The following LRRC4C variants were observed in gnomAD, a reference collection of about 807,000 sequenced individuals.
LRRC4C encodes leucine rich repeat containing 4C, also known as leucine-rich repeat-containing protein 4C.
Under a neutral mutation model 33.6 loss-of-function variants are expected in LRRC4C, and 5 were observed. The observed-to-expected ratio is 0.15, with a 90% confidence interval of 0.08 to 0.31. The LOEUF (loss-of-function observed/expected upper bound fraction) is 0.31, where lower values mean the gene tolerates loss of function less well. Ranked by LOEUF, LRRC4C falls within the 10% of genes least tolerant of loss-of-function variation. The probability of loss-of-function intolerance (pLI) is 1.00; values close to 1 mark genes in which losing one functional copy is unlikely to be tolerated. For synonymous variants in LRRC4C, 329 were observed against 302.0 expected (o/e 1.09, Z -0.93); for missense variants, 560 against 796.7 (o/e 0.70, Z 3.58).
At chr11:41,090,387 T>G (rs1940325136) in intron 1 of LRRC4C, among the ~76,000 whole-genome samples, 1 of 152,116 alleles carries the variant, frequency 6.6e-6, no homozygotes. Flanking sequence ...TATCTCTGTT[T>G]TCTCATTTCC....
chr11:40,604,800 T>A, intron 3 of LRRC4C, among the ~76,000 whole-genome samples: 1 of 149,492 alleles, frequency 6.7e-6, no homozygotes, highest in Non-Finnish European at 1.5e-5. Context: ...GGAAAATATA[T>A]AAAGAAGAAA....
intron 2 of LRRC4C, among the ~76,000 whole-genome samples, chr11:40,751,627 C>T (rs1023148758): frequency 1.3e-5 from 2 of 151,962 alleles, no homozygotes; most frequent in African/African-American, 4.8e-5. Context: ...AAAACACATC[C>T]CATGCTCATG....
At chr11:40,859,095 T>C (rs768038623) in intron 2 of LRRC4C, among the ~76,000 whole-genome samples, 21 of 152,184 alleles carry the variant, frequency 1.4e-4, no homozygotes, top group Non-Finnish European at 2.8e-4. Flanking sequence ...TGCAGTGATA[T>C]AGAACGTAGC....
Position 40,527,771 on chromosome 11 carries a change from A to T in LRRC4C, c.-270+120371T>A, listed in dbSNP as rs146998268. ...TTAGAAGATAATTTTTTTTTTTGGC[A>T]GAGTGTCACTCTTGTTACCCAGGCT... On this transcript the variant is annotated intron_variant, in intron 3 of 6. Transcript: ENST00000528697. Among the ~76,000 whole-genome samples, 1,309 of 148,992 alleles carry T rather than the reference A, an allele frequency of 8.8e-3. 54 individuals are homozygous for T. The highest frequency in any genetic ancestry group is 0.07 in the Admixed American group (1,055 of 15,110).
chr11:40,220,317 G>A (rs1050471461), intron 5 of LRRC4C, among the ~76,000 whole-genome samples: 24 of 152,230 alleles, frequency 1.6e-4, no homozygotes, highest in African/African-American at 5.5e-4. Flanking sequence ...TTTTAGAGTT[G>A]AGCACTTCAT....
chr11:40,693,878 CCG>C (rs1360549285), intron 2 of LRRC4C, among the ~76,000 whole-genome samples: 1 of 152,160 alleles, frequency 6.6e-6, no homozygotes, highest in African/African-American at 2.4e-5. Context: ...TTGCCAAAAG[CCG>C]CATTGTGTCC....
At chr11:40,214,276 A>G (rs868002537) in intron 5 of LRRC4C, among the ~76,000 whole-genome samples, 6 of 152,066 alleles carry the variant, frequency 3.9e-5, no homozygotes, top group South Asian at 2.1e-4. Context: ...CCCTTCCCCT[A>G]TGGTATATAA....
At chr11:40,318,468 T>C (rs1485630781) in intron 4 of LRRC4C, among the ~76,000 whole-genome samples, 1 of 152,118 alleles carries the variant, frequency 6.6e-6, no homozygotes, top group Non-Finnish European at 1.5e-5. Context: ...TGGAGACTAT[T>C]AAGTCAATCC....
chr11:40,943,761 T>C (rs1958261256), intron 1 of LRRC4C, among the ~76,000 whole-genome samples: 1 of 152,222 alleles, frequency 6.6e-6, no homozygotes, highest in South Asian at 2.1e-4. Flanking sequence ...TTCATTCTTA[T>C]GTGGAATACA....
chr11:40,119,120 A>G (rs1855642222), intron 6 of LRRC4C, among the ~76,000 whole-genome samples: 1 of 152,190 alleles, frequency 6.6e-6, no homozygotes, highest in South Asian at 2.1e-4. Context: ...TTGCATTTAC[A>G]TAGCCTACAG....
At chr11:41,145,670 T>G (rs1284205586) in intron 1 of LRRC4C, among the ~76,000 whole-genome samples, 1 of 152,158 alleles carries the variant, frequency 6.6e-6, no homozygotes, top group African/African-American at 2.4e-5. Context: ...ACGGCCTTCC[T>G]TTCTAGACTG....
chr11:40,114,653 A>C lies in LRRC4C; in HGVS notation c.1640T>G (p.Phe547Cys). 5 of 1,614,200 alleles carry C rather than the reference A, an allele frequency of 3.1e-6. No homozygotes were observed. Among genetic ancestry groups the C allele is most frequent in the Non-Finnish European group, 4.2e-6 (5 of 1,180,042 alleles). ...TLMAAVMLVIFYKMRKQHHRQ... is the reference protein window; with the variant it reads ...TLMAAVMLVICYKMRKQHHRQ... ...ATGGTGCTGCTTCCTCATCTTGTAG[A>C]AAATGACCAGCATCACTGCAGCCAT... The change falls in exon 7 of 7, where the codon TTC (phenylalanine) becomes TGC (cysteine). Residue 547 changes from phenylalanine (F) to cysteine (C), a missense_variant. By Grantham distance (205) the Phe-to-Cys change is radical. This residue lies in a region of LRRC4C where 103 missense variants were observed against 132.1 expected (regional missense o/e 0.78). Transcript: ENST00000528697.
chr11:40,495,892 C>T (rs1177396809), intron 3 of LRRC4C, among the ~76,000 whole-genome samples: 2 of 120,962 alleles, frequency 1.7e-5, no homozygotes, highest in Admixed American at 1.1e-4. Context: ...TGTAGTGATG[C>T]GATCTCAGCT....
chr11:40,574,560 T>C (rs1958108857), intron 3 of LRRC4C, among the ~76,000 whole-genome samples: 1 of 152,140 alleles, frequency 6.6e-6, no homozygotes, highest in Non-Finnish European at 1.5e-5. Context: ...GGATAAATAT[T>C]TTAAAATTAT....
intron 2 of LRRC4C, among the ~76,000 whole-genome samples, chr11:40,876,927 T>C (rs920463991): frequency 6.7e-6 from 1 of 149,578 alleles, no homozygotes. Flanking sequence ...AAAAAAAATC[T>C]TGATAGCAGC....
intron 1 of LRRC4C, among the ~76,000 whole-genome samples, chr11:41,178,882 T>G (rs1243329611): frequency 6.6e-6 from 1 of 152,124 alleles, no homozygotes; most frequent in Non-Finnish European, 1.5e-5. Context: ...TTTGCATTTT[T>G]AGTAGAGACA....
chr11:41,066,408 G>A lies in LRRC4C; in HGVS notation c.-495-132685C>T, dbSNP rs148850822. 7.8e-3 allele frequency among the ~76,000 whole-genome samples: 1,192 copies of A among 152,208 alleles called. 16 individuals carry two copies. The highest frequency in any genetic ancestry group is 0.014 in the Non-Finnish European group (937 of 68,008). ...AATGGACAAAACCTCCAAGAAATAT[G>A]GGATTATGTAAAAAGACCGAACCTG... is the stretch of plus-strand genomic sequence containing the variant. On this transcript the variant is annotated intron_variant, in intron 1 of 6. Transcript: ENST00000528697.
At position 40,162,209 on chromosome 11, in the gene LRRC4C, C is replaced by T. The variant is rs117213868; in HGVS notation, c.-95-21356G>A. Among the ~76,000 whole-genome samples, 773 of 152,114 alleles carry T rather than the reference C, an allele frequency of 5.1e-3. 5 individuals carry two copies. Among genetic ancestry groups the T allele is most frequent in the Non-Finnish European group, 7.5e-3 (508 of 67,988 alleles). Reference sequence around the variant, plus strand: ...GTTATAACAAGCCAGACATCATTTCCGGTGCCAGCTTTGTTGTCTCTCCAC... The same window carrying T: ...GTTATAACAAGCCAGACATCATTTCTGGTGCCAGCTTTGTTGTCTCTCCAC... On this transcript the variant is annotated intron_variant, in intron 5 of 6. Transcript: ENST00000528697.
At chr11:40,873,180 G>A (rs1954732984) in intron 2 of LRRC4C, among the ~76,000 whole-genome samples, 1 of 152,118 alleles carries the variant, frequency 6.6e-6, no homozygotes, top group Non-Finnish European at 1.5e-5. Context: ...ATAAGCATCA[G>A]TTTCTATATC....
Sources: allele counts gnomAD v4.1 joint callset (sites outside exome capture counted in the v4.1 genomes callset), GRCh38; gene constraint gnomAD v4.1.1; regional missense constraint gnomAD v4.1.1; transcripts MANE v1.5; gene names NCBI Gene and HGNC (gene_info 2026-07-23, HGNC 2026-07-21).